The following SLC17A8 variants were observed in gnomAD, a reference collection of about 807,000 sequenced individuals.
SLC17A8 encodes the protein vesicular glutamate transporter 3.
SLC17A8 carries 31 observed loss-of-function variants against 58.0 expected under a neutral mutation model. That is an observed-to-expected ratio of 0.53 (90% CI 0.40 to 0.72). The LOEUF is 0.72. Among genes scored for constraint, SLC17A8 ranks in the 30% least tolerant of loss-of-function variants. The pLI, the probability that SLC17A8 is intolerant of heterozygous loss-of-function variation, is 0.00. For synonymous variants in SLC17A8, 228 were observed against 249.0 expected, an observed-to-expected ratio of 0.92 and a Z score of 0.79; for missense variants, 655 against 727.8, an observed-to-expected ratio of 0.90 and a Z score of 1.15.
chr12:100,364,289 T>C (rs574098776), intron 1 of SLC17A8, among the ~76,000 whole-genome samples: 43 of 152,310 alleles, frequency 2.8e-4, no homozygotes, highest in South Asian at 6.2e-4. Context: ...GGCAAACTCA[T>C]ACATGGAATA....
intron 1 of SLC17A8, among the ~76,000 whole-genome samples, chr12:100,358,766 G>C (rs1265959684): frequency 3.3e-5 from 5 of 152,048 alleles, no homozygotes; most frequent in Admixed American, 6.6e-5. Context: ...GATTAGAAAC[G>C]CAAAAATAAT....
chr12:100,369,892 C>T (rs545664807), intron 1 of SLC17A8, among the ~76,000 whole-genome samples: 1 of 152,198 alleles, frequency 6.6e-6, no homozygotes, highest in African/African-American at 2.4e-5. Context: ...AGTAACAGTG[C>T]AAGTATAACG....
chr12:100,369,558 C>T (rs1367967329), intron 1 of SLC17A8, among the ~76,000 whole-genome samples: 1 of 152,240 alleles, frequency 6.6e-6, no homozygotes, highest in Non-Finnish European at 1.5e-5. Context: ...GTATCCTCTT[C>T]TTGTTCTGTC....
At chr12:100,413,487 T>C (rs1247661993) in intron 10 of SLC17A8, among the ~76,000 whole-genome samples, 1 of 152,120 alleles carries the variant, frequency 6.6e-6, no homozygotes, top group African/African-American at 2.4e-5. Context: ...GATCTGCATA[T>C]ATTAAGCCCT....
Position 100,381,005 on chromosome 12 carries a change from T to A in SLC17A8, c.354+52T>A, listed in dbSNP as rs778638471. 2.5e-6 allele frequency: 4 copies of A among 1,606,332 alleles called. No individual in the cohort carries two copies. In the Admixed American group the frequency reaches 6.7e-5, roughly 27 times the overall value. On this transcript the variant is annotated intron_variant, in intron 2 of 11. Transcript: ENST00000323346. The stretch of plus-strand genomic sequence containing the variant: ...TTTTCTTTTTGAGACAGGGTCTCGC[T>A]CGGTCTCCCAGGCTAGAGTACAGTG...
In SLC17A8 at chr12:100,371,985, C is replaced by T. The variant is rs931352654; in HGVS notation, c.102-8716C>T. ...GATAATATATATTTTATAGAAACCT[C>T]GTGGAGTCCCTAGAGTGTAGCAAGT... On this transcript the variant is annotated intron_variant, in intron 1 of 11. Transcript: ENST00000323346. Among the ~76,000 whole-genome samples, 12 of 152,284 alleles carry T rather than the reference C, an allele frequency of 7.9e-5. No homozygotes were observed. In the East Asian group the frequency reaches 1.9e-3, roughly 25 times the overall value.
At chr12:100,361,882 A>T (rs1337375725) in intron 1 of SLC17A8, among the ~76,000 whole-genome samples, 7 of 152,038 alleles carry the variant, frequency 4.6e-5, no homozygotes, top group African/African-American at 1.7e-4. Flanking sequence ...AATTGCTTGA[A>T]TCCGGGAGGC....
intron 2 of SLC17A8, among the ~76,000 whole-genome samples, chr12:100,389,530 T>A (rs1952698663): frequency 6.6e-6 from 1 of 152,060 alleles, no homozygotes; most frequent in African/African-American, 2.4e-5. Context: ...TATTTTCTCC[T>A]TAGCATTCAT....
chr12:100,415,147 G>T (rs34290907), intron 10 of SLC17A8, among the ~76,000 whole-genome samples: 59,500 of 151,954 alleles, frequency 0.39, 12,710 homozygotes, highest in Non-Finnish European at 0.47. Flanking sequence ...CACATAAACT[G>T]CTTTTTTGTT....
chr12:100,372,187 T>A (rs1004959052), intron 1 of SLC17A8, among the ~76,000 whole-genome samples: 1 of 152,148 alleles, frequency 6.6e-6, no homozygotes, highest in Non-Finnish European at 1.5e-5. Flanking sequence ...AACAGAAATT[T>A]ATTTTCTCAC....
chr12:100,374,569 GC>G (rs1249996993), intron 1 of SLC17A8, among the ~76,000 whole-genome samples: 1 of 152,070 alleles, frequency 6.6e-6, no homozygotes, highest in Non-Finnish European at 1.5e-5. Context: ...CCAAGATTGC[GC>G]CACTGCACTC....
intron 9 of SLC17A8, 34 bp from the exon 10 acceptor site, chr12:100,412,736 T>C (rs763308203): frequency 1.7e-5 from 24 of 1,409,088 alleles, no homozygotes; most frequent in Non-Finnish European, 2.4e-5. Context: ...GATATGAAAA[T>C]GACATTTTTT....
chr12:100,400,205 T>C (rs1046500200), intron 5 of SLC17A8, among the ~76,000 whole-genome samples: 1 of 152,224 alleles, frequency 6.6e-6, no homozygotes. Flanking sequence ...TCCCAGGGTA[T>C]TTGGCCTGGG....
In SLC17A8 at chr12:100,412,835, TC is replaced by T; in HGVS notation, c.1254del (p.Leu420TrpfsTer5). ...GFSHTKGVAI[S>X]FLVLAVGFSG... is the part of the protein sequence containing the mutation. ...TTCGCATACCAAAGGGGTGGCTATC[TC>T]CTTTCTGGTACTTGCTGTAGGATTT... On this transcript the variant is annotated frameshift_variant, in exon 10 of 12. Transcript: ENST00000323346. LOFTEE classifies it high-confidence loss of function. The T allele has an allele frequency of 6.2e-7, 1 of 1,614,166 alleles. No individual in the cohort carries two copies. Among genetic ancestry groups the T allele is most frequent in the South Asian group, 1.1e-5 (1 of 91,082 alleles).
chr12:100,420,168 A>G lies in SLC17A8; in HGVS notation c.*9A>G, dbSNP rs1952938840. 2.5e-6 allele frequency: 4 copies of G among 1,602,248 alleles called. No homozygotes were observed. In the African/African-American group the frequency reaches 4.0e-5, roughly 16 times the overall value. On this transcript the variant is annotated 3_prime_UTR_variant, in exon 12 of 12. Coordinates refer to ENST00000323346, the MANE Select transcript of SLC17A8 (RefSeq NM_139319.3). ...TCTCAACTATATCCTAATGTCTGAG[A>G]GGCACTTCTGTCTTCTCCTTACTTT...
At chr12:100,383,846 G>T (rs1233876724) in intron 2 of SLC17A8, among the ~76,000 whole-genome samples, 2 of 151,832 alleles carry the variant, frequency 1.3e-5, no homozygotes, top group Non-Finnish European at 2.9e-5. Context: ...GGGTCCACAG[G>T]CTCATGCCAC....
At position 100,363,528 on chromosome 12, in the gene SLC17A8, G is replaced by C. The variant is rs534817711; in HGVS notation, c.101+6036G>C. ...ATTACGGGCACCCACCACCATGCCC[G>C]GCTAATTTTGTATTTTTAGTAGAGA... On this transcript the variant is annotated intron_variant, in intron 1 of 11. Coordinates refer to ENST00000323346, the MANE Select transcript of SLC17A8 (RefSeq NM_139319.3). 2.0e-5 allele frequency among the ~76,000 whole-genome samples: 3 copies of C among 152,070 alleles called. No homozygotes were observed. In the South Asian group the frequency reaches 6.2e-4, roughly 32 times the overall value.
At chr12:100,397,445 C>T (rs965307832) in intron 5 of SLC17A8, among the ~76,000 whole-genome samples, 6 of 152,020 alleles carry the variant, frequency 3.9e-5, no homozygotes, top group African/African-American at 1.5e-4. Context: ...ATGAGTAGCC[C>T]CCAAGTAGTA....
intron 9 of SLC17A8, among the ~76,000 whole-genome samples, chr12:100,409,169 GTAT>G (rs1952848124): frequency 1.3e-5 from 2 of 151,610 alleles, no homozygotes; most frequent in African/African-American, 2.4e-5. Flanking sequence ...ATGTATGTAT[GTAT>G]GTATGTATGT....
Sources: allele counts gnomAD v4.1 joint callset (sites outside exome capture counted in the v4.1 genomes callset), GRCh38; gene constraint gnomAD v4.1.1; transcripts MANE v1.5; gene names NCBI Gene and HGNC (gene_info 2026-07-23, HGNC 2026-07-21).